SEC24B: variants seen among roughly 807,000 people sequenced by gnomAD.
SEC24B encodes the protein SEC24 homolog B, COPII component, also known as protein transport protein Sec24B.
In SEC24B, 45 loss-of-function variants were observed where a neutral mutation model predicts 142.8. The observed-to-expected ratio is 0.32, with a 90% CI of 0.25 to 0.40. The LOEUF (loss-of-function observed/expected upper bound fraction) is 0.40, where lower values mean the gene tolerates loss of function less well. Among genes scored for constraint, SEC24B ranks in the 10% least tolerant of loss-of-function variants. The probability of loss-of-function intolerance (pLI) is 1.00; values close to 1 mark genes in which losing one functional copy is unlikely to be tolerated. For synonymous variants in SEC24B, 574 were observed against 568.2 expected, an observed-to-expected ratio of 1.01 and a Z score of -0.15; for missense variants, 1,409 against 1,526.8, an observed-to-expected ratio of 0.92 and a Z score of 1.29.
chr4:109,522,572 AC>A (rs1182777051), intron 14 of SEC24B, among the ~76,000 whole-genome samples: 2 of 152,248 alleles, frequency 1.3e-5, no homozygotes, highest in Non-Finnish European at 2.9e-5. Context: ...GGTAAAACTT[AC>A]TAAATGTAAC....
intron 4 of SEC24B, among the ~76,000 whole-genome samples, chr4:109,483,514 G>A (rs941335042): frequency 6.6e-6 from 1 of 151,916 alleles, no homozygotes; most frequent in African/African-American, 2.4e-5. Flanking sequence ...AAGCATTTAA[G>A]ATTTTGGATT....
chr4:109,500,210 A>G (rs941861404), intron 6 of SEC24B, among the ~76,000 whole-genome samples: 1 of 152,166 alleles, frequency 6.6e-6, no homozygotes, highest in Non-Finnish European at 1.5e-5. Context: ...TCAAAAAGTT[A>G]TTTAGATTGG....
chr4:109,507,825 A>G (rs1736866313), intron 7 of SEC24B, among the ~76,000 whole-genome samples: 1 of 151,956 alleles, frequency 6.6e-6, no homozygotes, highest in African/African-American at 2.4e-5. Flanking sequence ...TTGTATTTTT[A>G]GTAGAGACAG....
chr4:109,437,299 T>C (rs533486319), intron 1 of SEC24B, among the ~76,000 whole-genome samples: 1 of 152,220 alleles, frequency 6.6e-6, no homozygotes, highest in African/African-American at 2.4e-5. Context: ...TATTGTTTGT[T>C]TTAGAGACAG....
intron 6 of SEC24B, among the ~76,000 whole-genome samples, chr4:109,497,578 G>T (rs540976803): frequency 2.3e-4 from 34 of 149,208 alleles, no homozygotes; most frequent in African/African-American, 8.2e-4. Context: ...TTACATAATT[G>T]GAAGCATACC....
intron 5 of SEC24B, among the ~76,000 whole-genome samples, chr4:109,494,131 CGTTT>C: frequency 6.6e-6 from 1 of 151,646 alleles, no homozygotes. Flanking sequence ...TTTGTGTGTG[CGTTT>C]GTGTGTATTA....
intron 2 of SEC24B, among the ~76,000 whole-genome samples, chr4:109,466,770 ACTT>A (rs1253557064): frequency 1.3e-5 from 2 of 152,220 alleles, no homozygotes; most frequent in Non-Finnish European, 2.9e-5. Context: ...CTTCTTTACT[ACTT>A]GATTATACTA....
Position 109,447,823 on chromosome 4 carries a change from C to A in SEC24B, c.133+13821C>A, listed in dbSNP as rs1300904252. On this transcript the variant is annotated intron_variant, in intron 1 of 23. Coordinates refer to ENST00000265175, the MANE Select transcript of SEC24B (RefSeq NM_006323.5). ...GCTTCAAACAACATGAATTTATCAC[C>A]TATAGGTTAGAAGTCCACCTGAGCT... 5.3e-5 allele frequency among the ~76,000 whole-genome samples: 8 copies of A among 152,232 alleles called. No individual in the cohort carries two copies. The South Asian group carries it at 1.4e-3, about 28-fold the overall frequency.
chr4:109,468,605 G>A (rs746175900), intron 2 of SEC24B, among the ~76,000 whole-genome samples: 1 of 152,178 alleles, frequency 6.6e-6, no homozygotes, highest in African/African-American at 2.4e-5. Context: ...GAACAGTGTA[G>A]TAGATAACTG....
chr4:109,468,234 C>A (rs1278048520), intron 2 of SEC24B, among the ~76,000 whole-genome samples: 1 of 152,150 alleles, frequency 6.6e-6, no homozygotes, highest in Non-Finnish European at 1.5e-5. Flanking sequence ...ATGGGAATAG[C>A]GTAATTTTAC....
At chr4:109,452,172 C>G (rs745804085) in intron 1 of SEC24B, among the ~76,000 whole-genome samples, 12 of 152,102 alleles carry the variant, frequency 7.9e-5, no homozygotes, top group Non-Finnish European at 1.3e-4. Context: ...GTCATGTAAA[C>G]GGAACCATAT....
chr4:109,512,589 A>G (rs1311954159), intron 9 of SEC24B, among the ~76,000 whole-genome samples: 1 of 151,818 alleles, frequency 6.6e-6, no homozygotes, highest in Non-Finnish European at 1.5e-5. Flanking sequence ...AAGGAAGGTT[A>G]CTTGCATCCT....
At chr4:109,437,655 C>T (rs1561052247) in intron 1 of SEC24B, among the ~76,000 whole-genome samples, 1 of 152,086 alleles carries the variant, frequency 6.6e-6, no homozygotes, top group Non-Finnish European at 1.5e-5. Flanking sequence ...GACGGAGTCT[C>T]GCTGTGTCGC....
At chr4:109,435,167 A>G (rs990186473) in intron 1 of SEC24B, among the ~76,000 whole-genome samples, 2 of 152,238 alleles carry the variant, frequency 1.3e-5, no homozygotes, top group Admixed American at 6.5e-5. Context: ...ATGCTTTTCA[A>G]ACATGAAGTG....
At chr4:109,475,268 C>G (rs997829502) in intron 3 of SEC24B, among the ~76,000 whole-genome samples, 1 of 152,156 alleles carries the variant, frequency 6.6e-6, no homozygotes, top group Non-Finnish European at 1.5e-5. Context: ...TTGGAGAGAT[C>G]TGAGCTATAC....
chr4:109,454,999 G>A (rs1409107974), intron 1 of SEC24B, among the ~76,000 whole-genome samples: 1 of 152,174 alleles, frequency 6.6e-6, no homozygotes, highest in Non-Finnish European at 1.5e-5. Flanking sequence ...ACTTCTGCAT[G>A]GCTGTCCGTA....
chr4:109,434,284 C>A (rs909679310), intron 1 of SEC24B, among the ~76,000 whole-genome samples: 1 of 152,102 alleles, frequency 6.6e-6, no homozygotes, highest in Non-Finnish European at 1.5e-5. Flanking sequence ...TAATGCGACC[C>A]CAGGCCCGAA....
intron 6 of SEC24B, among the ~76,000 whole-genome samples, chr4:109,498,860 G>A (rs1370804931): frequency 6.6e-6 from 1 of 151,164 alleles, no homozygotes; most frequent in East Asian, 2.0e-4. Context: ...CTAACAGTTG[G>A]TTTTTGACAG....
intron 2 of SEC24B, among the ~76,000 whole-genome samples, chr4:109,467,917 T>C (rs1013205851): frequency 6.6e-6 from 1 of 152,230 alleles, no homozygotes; most frequent in Non-Finnish European, 1.5e-5. Context: ...TATATAATTC[T>C]TCACAGTTGA....
Sources: allele counts gnomAD v4.1 joint callset (sites outside exome capture counted in the v4.1 genomes callset), GRCh38; gene constraint gnomAD v4.1.1; transcripts MANE v1.5; gene names NCBI Gene and HGNC (gene_info 2026-07-23, HGNC 2026-07-21).